The following ACSL1 variants were observed in gnomAD, a reference collection of about 807,000 sequenced individuals.
ACSL1 encodes long-chain-fatty-acid--CoA ligase 1.
Under a neutral mutation model 98.4 loss-of-function variants are expected in ACSL1, and 41 were observed. That is an observed-to-expected ratio of 0.42 (90% CI 0.32 to 0.54). The LOEUF (loss-of-function observed/expected upper bound fraction) is 0.54, where lower values mean the gene tolerates loss of function less well. Among genes scored for constraint, ACSL1 ranks in the 20% least tolerant of loss-of-function variants. ACSL1 has a pLI of 0.13. For synonymous variants in ACSL1, 316 were observed against 322.7 expected (o/e 0.98, Z 0.22); for missense variants, 734 against 883.1 (o/e 0.83, Z 2.14).
intron 2 of ACSL1, among the ~76,000 whole-genome samples, chr4:184,789,741 A>G (rs903806165): frequency 4.0e-4 from 61 of 152,336 alleles, no homozygotes; most frequent in African/African-American, 1.3e-3. Flanking sequence ...TAGTCTTTAC[A>G]GGTAGCAGGT....
intron 3 of ACSL1, among the ~76,000 whole-genome samples, chr4:184,785,710 A>G (rs1767169640): frequency 6.7e-6 from 1 of 150,128 alleles, no homozygotes; most frequent in African/African-American, 2.4e-5. Flanking sequence ...CTTCTCTGAC[A>G]CATCCATAAA....
intron 14 of ACSL1, 99 bp from the exon 15 acceptor site, chr4:184,765,024 C>G: frequency 8.5e-7 from 1 of 1,179,480 alleles, no homozygotes; most frequent in Admixed American, 2.2e-5. Flanking sequence ...CAAGTCATGG[C>G]TGACTGGTGA....
At chr4:184,820,758 C>T (rs1007197852) in intron 1 of ACSL1, among the ~76,000 whole-genome samples, 1 of 152,198 alleles carries the variant, frequency 6.6e-6, no homozygotes, top group African/African-American at 2.4e-5. Context: ...GCACGTACCA[C>T]CACGCCCAGT....
At chr4:184,811,281 T>A (rs1261545376) in intron 1 of ACSL1, among the ~76,000 whole-genome samples, 1 of 151,778 alleles carries the variant, frequency 6.6e-6, no homozygotes, top group Non-Finnish European at 1.5e-5. Context: ...GCTAATTTTT[T>A]TTTTGTATTT....
At chr4:184,792,747 C>T (rs1016709716) in intron 2 of ACSL1, among the ~76,000 whole-genome samples, 6 of 152,124 alleles carry the variant, frequency 3.9e-5, no homozygotes, top group Admixed American at 2.0e-4. Context: ...CCCAGTGTTG[C>T]TATTTTTTGA....
chr4:184,767,494 G>T (rs577526347), intron 12 of ACSL1, among the ~76,000 whole-genome samples: 5 of 152,112 alleles, frequency 3.3e-5, no homozygotes, highest in Admixed American at 3.3e-4. Flanking sequence ...GCTGAAGGGT[G>T]GAGGGGGTCG....
At chr4:184,761,847 G>A (rs1334164924) in intron 17 of ACSL1, among the ~76,000 whole-genome samples, 1 of 150,644 alleles carries the variant, frequency 6.6e-6, no homozygotes, top group Admixed American at 6.6e-5. Flanking sequence ...AAACGGGCCA[G>A]GCGCGGTGGT....
At chr4:184,804,100 A>T (rs1340136086) in intron 1 of ACSL1, among the ~76,000 whole-genome samples, 4 of 152,254 alleles carry the variant, frequency 2.6e-5, no homozygotes, top group Non-Finnish European at 5.9e-5. Flanking sequence ...CAACAGTGGC[A>T]ATATAAATGC....
chr4:184,805,524 C>T lies in ACSL1; in HGVS notation c.-32-1978G>A, dbSNP rs1302934915. On this transcript the variant is annotated intron_variant, in intron 1 of 20. Transcript: ENST00000281455. The stretch of plus-strand genomic sequence containing the variant: ...GGCACCAGCACTTAACAAAACCACT[C>T]ACCATCTGTGCCACCAACAGCTGAC... The T allele has an allele frequency of 1.2e-5, 12 of 985,574 alleles. No individual in the cohort carries two copies. In the East Asian group the frequency reaches 1.4e-3, roughly 112 times the overall value. The allele number at this position is 985,574 out of a possible 1,614,324, so 61.1% of individuals were successfully genotyped here.
intron 12 of ACSL1, chr4:184,768,097 G>A: frequency 5.9e-6 from 3 of 509,406 alleles, no homozygotes; most frequent in South Asian, 7.0e-5. Flanking sequence ...TTGTGACCAT[G>A]GTTTACAAAG....
intron 1 of ACSL1, among the ~76,000 whole-genome samples, chr4:184,811,165 G>A (rs1173068220): frequency 6.6e-6 from 1 of 152,172 alleles, no homozygotes; most frequent in East Asian, 1.9e-4. Context: ...CTGGAGTGCA[G>A]TGGTGTGATC....
intron 3 of ACSL1, among the ~76,000 whole-genome samples, chr4:184,784,868 A>G (rs986371016): frequency 3.3e-5 from 5 of 152,234 alleles, no homozygotes. Flanking sequence ...AACAGTCCTG[A>G]TGAAAACAGG....
chr4:184,775,910 T>C (rs1013097544), intron 7 of ACSL1, among the ~76,000 whole-genome samples: 1 of 152,186 alleles, frequency 6.6e-6, no homozygotes, highest in African/African-American at 2.4e-5. Context: ...CAACTTCTTA[T>C]ATCATCTGAC....
chr4:184,811,759 TA>T (rs2150479826), intron 1 of ACSL1, among the ~76,000 whole-genome samples: 1 of 152,272 alleles, frequency 6.6e-6, no homozygotes, highest in South Asian at 2.1e-4. Flanking sequence ...CCTATGAATG[TA>T]CTTCAAACCA....
At chr4:184,785,615 G>GGGGGGGGGGGGGA (rs1767127466) in intron 3 of ACSL1, among the ~76,000 whole-genome samples, 1 of 29,674 alleles carries the variant, frequency 3.4e-5, no homozygotes, top group Non-Finnish European at 1.0e-4. Flanking sequence ...GCGGGGGGGG[G>GGGGGGGGGGGGGA]GGGGGGAAGG....
intron 4 of ACSL1, among the ~76,000 whole-genome samples, chr4:184,783,418 C>T (rs1199673577): frequency 6.6e-6 from 1 of 152,180 alleles, no homozygotes; most frequent in Non-Finnish European, 1.5e-5. Context: ...CCAAGGACAG[C>T]TTTGAGGGTC....
At chr4:184,799,081 GC>G (rs1356894836) in intron 2 of ACSL1, 2 of 150,472 alleles carry the variant, frequency 1.3e-5, no homozygotes, top group Non-Finnish European at 2.9e-5. Context: ...ACAGTCCTGT[GC>G]CCCCTTCATG....
At chr4:184,818,008 A>G (rs1013047273) in intron 1 of ACSL1, among the ~76,000 whole-genome samples, 5 of 152,158 alleles carry the variant, frequency 3.3e-5, no homozygotes, top group Non-Finnish European at 7.4e-5. Flanking sequence ...AAAAGCACAG[A>G]CTGGCTGTCT....
chr4:184,793,980 C>T (rs1426460151), intron 2 of ACSL1, among the ~76,000 whole-genome samples: 4 of 152,172 alleles, frequency 2.6e-5, no homozygotes, highest in Non-Finnish European at 4.4e-5. Context: ...ATATTACTCA[C>T]AATACCTAAT....
Sources: gnomAD v4.1 joint callset for allele counts (sites outside exome capture counted in the v4.1 genomes callset) on GRCh38, gnomAD v4.1.1 for gene constraint, MANE v1.5 for transcripts, NCBI Gene and HGNC (gene_info 2026-07-23, HGNC 2026-07-21) for gene names.